TMEM178B: variants seen among roughly 807,000 people sequenced by gnomAD.
TMEM178B encodes transmembrane protein 178B.
TMEM178B carries 5 observed loss-of-function variants against 31.0 expected under a neutral mutation model. That is an observed-to-expected ratio of 0.16 (90% CI 0.08 to 0.34). The LOEUF (loss-of-function observed/expected upper bound fraction) is 0.34, where lower values mean the gene tolerates loss of function less well. Ranked by LOEUF, TMEM178B falls within the 10% of genes least tolerant of loss-of-function variation. The pLI, the probability that TMEM178B is intolerant of heterozygous loss-of-function variation, is 1.00. For synonymous variants in TMEM178B, 164 were observed against 164.0 expected, an observed-to-expected ratio of 1.00 and a Z score of 0.00; for missense variants, 275 against 400.3, an observed-to-expected ratio of 0.69 and a Z score of 2.67.
At chr7:141,491,582 C>A in the TMEM178B span, among the ~76,000 whole-genome samples, 1 of 152,142 alleles carries the variant, frequency 6.6e-6, no homozygotes, top group African/African-American at 2.4e-5. Context: ...ATAACATGAG[C>A]TTCCATTTTT....
chr7:141,234,765 T>C (rs1410093658), intron 2 of TMEM178B, among the ~76,000 whole-genome samples: 1 of 152,170 alleles, frequency 6.6e-6, no homozygotes, highest in Non-Finnish European at 1.5e-5. Flanking sequence ...GAGCCAAGCC[T>C]TGATGAGAGA....
intron 2 of TMEM178B, among the ~76,000 whole-genome samples, chr7:141,411,332 G>A (rs928696973): frequency 6.6e-6 from 1 of 152,116 alleles, no homozygotes. Flanking sequence ...GAACAGTTCT[G>A]GAAATGGGTG....
chr7:141,510,616 C>A, the TMEM178B span, among the ~76,000 whole-genome samples: 1 of 125,996 alleles, frequency 7.9e-6, no homozygotes, highest in Non-Finnish European at 1.6e-5. Flanking sequence ...ACCCCAGAGG[C>A]GGAGGTTGCG....
intron 1 of TMEM178B, among the ~76,000 whole-genome samples, chr7:141,199,758 A>T (rs944827837): frequency 6.6e-6 from 1 of 152,074 alleles, no homozygotes; most frequent in Non-Finnish European, 1.5e-5. Context: ...GCTAAATAAA[A>T]AAAATTTTTT....
Position 141,186,919 on chromosome 7 carries a change from T to A in TMEM178B, c.383-25672T>A, listed in dbSNP as rs532250740. Among the ~76,000 whole-genome samples, 824 of 152,310 alleles carry A rather than the reference T, an allele frequency of 5.4e-3. 4 individuals carry two copies. The highest frequency in any genetic ancestry group is 0.037 in the Middle Eastern group (11 of 294). On this transcript the variant is annotated intron_variant, in intron 1 of 3. Coordinates refer to ENST00000565468, the MANE Select transcript of TMEM178B (RefSeq NM_001195278.2). ...AGCCTGTTTCTCCTAGAGAAGCTTC[T>A]TTGAGATGATGCTTTTTTTAAAAAT...
At chr7:141,262,326 C>T (rs1316193268) in intron 2 of TMEM178B, among the ~76,000 whole-genome samples, 3 of 151,930 alleles carry the variant, frequency 2.0e-5, no homozygotes, top group South Asian at 2.1e-4. Context: ...GGCTGATTCC[C>T]TGAAACTGAC....
the TMEM178B span, among the ~76,000 whole-genome samples, chr7:141,485,623 C>G: frequency 1.6e-3 from 239 of 152,322 alleles, 1 homozygote; most frequent in African/African-American, 5.5e-3. Context: ...TCTGCAGCTG[C>G]GTCTTAAAGC....
downstream of TMEM178B, among the ~76,000 whole-genome samples, chr7:141,483,745 T>A (rs1370512386): frequency 6.6e-6 from 1 of 151,706 alleles, no homozygotes; most frequent in African/African-American, 2.4e-5. Flanking sequence ...TCTTCTTTTT[T>A]TTTTTTTTGA....
Position 141,344,598 on chromosome 7 carries a change from T to TCCTC in TMEM178B, c.497-93007_497-93006insCCCT, listed in dbSNP as rs1169055942. 3.5e-4 allele frequency among the ~76,000 whole-genome samples: 52 copies of TCCTC among 149,482 alleles called. No individual in the cohort carries two copies. The highest frequency in any genetic ancestry group is 1.2e-3 in the African/African-American group (48 of 40,062). On this transcript the variant is annotated intron_variant, in intron 2 of 3. Coordinates refer to ENST00000565468, the MANE Select transcript of TMEM178B (RefSeq NM_001195278.2). The surrounding 1 kb of genome is among the most constrained non-coding windows in gnomAD (Gnocchi z 4.1). ...TCCCTTCCTTCCTTCCTTCCTTCCT[T>TCCTC]CCTTCCTTCCTTCCTTCCTTCCTTC...
chr7:141,459,144 C>T (rs1267280141), intron 3 of TMEM178B, among the ~76,000 whole-genome samples: 2 of 152,208 alleles, frequency 1.3e-5, no homozygotes, highest in African/African-American at 4.8e-5. Context: ...ATTCTCCTGC[C>T]TCAGCCTCCC....
intron 2 of TMEM178B, among the ~76,000 whole-genome samples, chr7:141,241,921 T>C (rs1011506413): frequency 5.9e-5 from 9 of 152,184 alleles, no homozygotes; most frequent in African/African-American, 2.2e-4. Flanking sequence ...TTTTTTGCAC[T>C]AAGTTTTCAA....
At chr7:141,094,391 A>C (rs929577412) in intron 1 of TMEM178B, among the ~76,000 whole-genome samples, 4 of 152,216 alleles carry the variant, frequency 2.6e-5, no homozygotes, top group Non-Finnish European at 4.4e-5. Flanking sequence ...TGAGTAATTA[A>C]TGGGAGTTCT....
At chr7:141,096,237 T>C (rs2129172923) in intron 1 of TMEM178B, among the ~76,000 whole-genome samples, 2 of 152,350 alleles carry the variant, frequency 1.3e-5, no homozygotes, top group South Asian at 4.1e-4. Flanking sequence ...GTGCCTTTCC[T>C]TATGGGTGTA....
At chr7:141,096,730 G>C (rs1794966023) in intron 1 of TMEM178B, among the ~76,000 whole-genome samples, 1 of 152,142 alleles carries the variant, frequency 6.6e-6, no homozygotes, top group African/African-American at 2.4e-5. Context: ...TGAATTCTGT[G>C]AGCTGCCTCA....
chr7:141,249,350 C>T (rs1486034814), intron 2 of TMEM178B, among the ~76,000 whole-genome samples: 1 of 152,152 alleles, frequency 6.6e-6, no homozygotes, highest in Non-Finnish European at 1.5e-5. Flanking sequence ...GGGAGGCCTC[C>T]CCAGCCACGT....
chr7:141,159,871 A>G (rs1015931942), intron 1 of TMEM178B, among the ~76,000 whole-genome samples: 14 of 151,980 alleles, frequency 9.2e-5, no homozygotes, highest in Non-Finnish European at 1.3e-4. Flanking sequence ...TAATGAAAAT[A>G]ATCCTGGAGT....
intron 1 of TMEM178B, among the ~76,000 whole-genome samples, chr7:141,140,362 C>T (rs1472365800): frequency 6.6e-6 from 1 of 152,184 alleles, no homozygotes; most frequent in Non-Finnish European, 1.5e-5. Flanking sequence ...AAATTAGACT[C>T]CTCTCTCCAT....
chr7:141,476,079 T>C lies in TMEM178B; in HGVS notation c.*5293T>C, dbSNP rs1318338791. 2 of 152,222 alleles carry C rather than the reference T, an allele frequency of 1.3e-5. No individual in the cohort carries two copies. The highest frequency in any genetic ancestry group is 6.5e-5 in the Admixed American group (1 of 15,290). The allele number at this position is 152,222 out of a possible 1,614,324, so 9.4% of individuals were successfully genotyped here. A position where few individuals can be genotyped will look rare whatever the true frequency, so the allele number is the denominator to read the frequency against. ...AGTGTCATATGAGTTATGTATGTTC[T>C]AATTATCCCTCAGAAGACCCCCCGC... On this transcript the variant is annotated 3_prime_UTR_variant, in exon 4 of 4. Coordinates refer to ENST00000565468, the MANE Select transcript of TMEM178B (RefSeq NM_001195278.2).
At chr7:141,366,259 T>C (rs114424046) in intron 2 of TMEM178B, among the ~76,000 whole-genome samples, 3,527 of 152,226 alleles carry the variant, frequency 0.023, 130 homozygotes, top group African/African-American at 0.08. Context: ...CACTTCTCAT[T>C]TTTCCTCTCC....
Sources: gnomAD v4.1 joint callset for allele counts (sites outside exome capture counted in the v4.1 genomes callset) on GRCh38, gnomAD v4.1.1 for gene constraint, Gnocchi (gnomAD v3.1) non-coding constraint, MANE v1.5 for transcripts, NCBI Gene and HGNC (gene_info 2026-07-23, HGNC 2026-07-21) for gene names.